Variants in HADHA observed in about 807,000 individuals in gnomAD.
The protein encoded by HADHA is hydroxyacyl-CoA dehydrogenase trifunctional multienzyme complex subunit alpha, also known as trifunctional enzyme subunit alpha, mitochondrial.
A neutral mutation model predicts 91.3 loss-of-function variants in HADHA; 59 were observed. That is an observed-to-expected ratio of 0.65 (90% CI 0.52 to 0.80). HADHA has a LOEUF of 0.80. Ranked by LOEUF, HADHA falls within the 30% of genes least tolerant of loss-of-function variation. The probability of loss-of-function intolerance (pLI) is 0.00; values close to 1 mark genes in which losing one functional copy is unlikely to be tolerated. For missense variants in HADHA, 800 were observed against 927.6 expected (o/e 0.86, Z 1.79); for synonymous variants, 320 against 338.9 (o/e 0.94, Z 0.61).
chr2:26,228,296 A>C (rs1284376011), intron 7 of HADHA, among the ~76,000 whole-genome samples: 1 of 152,018 alleles, frequency 6.6e-6, no homozygotes, highest in Non-Finnish European at 1.5e-5. Context: ...ACACCCAGCT[A>C]ATTTTTGTAT....
chr2:26,218,726 C>T (rs1028345290), intron 7 of HADHA, among the ~76,000 whole-genome samples: 6 of 151,808 alleles, frequency 4.0e-5, no homozygotes, highest in East Asian at 1.9e-4. Context: ...AATTGAAAAC[C>T]GGCCAGGTGT....
At chr2:26,237,612 A>G (rs1035929021) in intron 3 of HADHA, among the ~76,000 whole-genome samples, 4 of 152,176 alleles carry the variant, frequency 2.6e-5, no homozygotes, top group African/African-American at 9.7e-5. Context: ...TAGGCAACAG[A>G]ATGAGACCCT....
intron 7 of HADHA, among the ~76,000 whole-genome samples, chr2:26,220,923 CAT>C (rs1670358432): frequency 1.3e-5 from 2 of 152,306 alleles, no homozygotes; most frequent in Admixed American, 1.3e-4. Context: ...GGGGGTAAGA[CAT>C]GTGTCTGTCA....
At position 26,190,852 on chromosome 2, in the gene HADHA, A is replaced by C. The variant is rs930966635; in HGVS notation, c.*398T>G. On this transcript the variant is annotated 3_prime_UTR_variant, in exon 20 of 20. Transcript: ENST00000380649. ...GATTGCTTTTTGAAGGAGGCGTTTA[A>C]ACCAGAAGGGCAAAGATGCTGACAC... 1 of 302,500 alleles carries C rather than the reference A, an allele frequency of 3.3e-6. No individual in the cohort carries two copies. The highest frequency in any genetic ancestry group is 6.3e-6 in the Non-Finnish European group (1 of 158,068). 18.7% of individuals were successfully genotyped at this position (302,500 alleles called of 1,614,324 possible).
At chr2:26,231,741 A>C (rs1308492464) in intron 6 of HADHA, among the ~76,000 whole-genome samples, 1 of 151,940 alleles carries the variant, frequency 6.6e-6, no homozygotes, top group Non-Finnish European at 1.5e-5. Flanking sequence ...CTGAGGCGGG[A>C]GGATTACCTG....
At chr2:26,242,160 G>C (rs1034824565) in intron 1 of HADHA, among the ~76,000 whole-genome samples, 1 of 152,168 alleles carries the variant, frequency 6.6e-6, no homozygotes, top group Non-Finnish European at 1.5e-5. Context: ...AATATACTGG[G>C]ATTATAGGCA....
At chr2:26,222,745 C>A (rs1670403143) in intron 7 of HADHA, among the ~76,000 whole-genome samples, 1 of 152,142 alleles carries the variant, frequency 6.6e-6, no homozygotes, top group South Asian at 2.1e-4. Context: ...AAGGAATTCA[C>A]TTCTCAGTAA....
rs1240267162 is a variant in HADHA, at chr2:26,191,114, C to T, written c.*136G>A. 9.2e-6 allele frequency: 8 copies of T among 868,510 alleles called. No homozygotes were observed. Among genetic ancestry groups the T allele is most frequent in the East Asian group, 2.6e-5 (1 of 38,428 alleles). The allele number at this position is 868,510 out of a possible 1,614,324, so 53.8% of individuals were successfully genotyped here. ...GGAGAGATGGTCTTGGCTGAAGGCA[C>T]TTTAATCAGGGAGCAAACCCAGTGC... On this transcript the variant is annotated 3_prime_UTR_variant, in exon 20 of 20. Coordinates refer to ENST00000380649, the MANE Select transcript of HADHA (RefSeq NM_000182.5).
intron 11 of HADHA, among the ~76,000 whole-genome samples, chr2:26,206,143 AAATAAT>A (rs567862524): frequency 3.7e-4 from 56 of 152,100 alleles, no homozygotes; most frequent in African/African-American, 1.3e-3. Flanking sequence ...TCTATTATGA[AAATAAT>A]AATAATAATA....
At chr2:26,241,239 C>T (rs1670880116) in intron 1 of HADHA, among the ~76,000 whole-genome samples, 1 of 152,150 alleles carries the variant, frequency 6.6e-6, no homozygotes, top group Non-Finnish European at 1.5e-5. Flanking sequence ...GAAAACATTA[C>T]TTTGGTTGTA....
chr2:26,212,854 C>T (rs1670135382), intron 9 of HADHA, among the ~76,000 whole-genome samples: 1 of 152,168 alleles, frequency 6.6e-6, no homozygotes, highest in Non-Finnish European at 1.5e-5. Flanking sequence ...GAAGGAAAGA[C>T]AAAGCTTGAA....
intron 18 of HADHA, 112 bp downstream of exon 18, chr2:26,192,198 G>C: frequency 1.5e-6 from 1 of 682,398 alleles, no homozygotes; most frequent in East Asian, 2.7e-5. Flanking sequence ...ACCTGCACAT[G>C]TATCCCAGGA....
intron 13 of HADHA, 107 bp from the exon 14 acceptor site, chr2:26,197,884 A>G (rs1386676367): frequency 4.0e-6 from 3 of 746,414 alleles, no homozygotes; most frequent in African/African-American, 1.7e-5. Flanking sequence ...TCTGTCCCCC[A>G]CAACTGCTCA....
intron 1 of HADHA, among the ~76,000 whole-genome samples, chr2:26,242,496 C>T (rs1305444829): frequency 6.6e-6 from 1 of 152,206 alleles, no homozygotes; most frequent in African/African-American, 2.4e-5. Context: ...TTATTACACA[C>T]ATAAGATGTA....
intron 10 of HADHA, 23 bp from the exon 11 acceptor site, chr2:26,209,912 A>G (rs1670059243): frequency 1.7e-6 from 2 of 1,193,112 alleles, no homozygotes; most frequent in Non-Finnish European, 2.5e-6. Context: ...GGGGAATGAG[A>G]AAAGGTAGAA....
Position 26,191,219 on chromosome 2 carries a change from G to A in HADHA, c.*31C>T, listed in dbSNP as rs772715149. 5.6e-6 allele frequency: 9 copies of A among 1,608,276 alleles called. No homozygotes were observed. Among genetic ancestry groups the A allele is most frequent in the African/African-American group, 2.7e-5 (2 of 74,804 alleles). On this transcript the variant is annotated 3_prime_UTR_variant, in exon 20 of 20. Coordinates refer to ENST00000380649, the MANE Select transcript of HADHA (RefSeq NM_000182.5). Reference sequence around the variant, plus strand: ...CCAGCACTGCCGGCAGCTGGGGTTAGTGCACTGACTGAGCGAGGCATGAGG... The same window carrying A: ...CCAGCACTGCCGGCAGCTGGGGTTAATGCACTGACTGAGCGAGGCATGAGG...
chr2:26,217,994 A>G (rs1356464153), intron 7 of HADHA, among the ~76,000 whole-genome samples: 1 of 152,176 alleles, frequency 6.6e-6, no homozygotes, highest in Non-Finnish European at 1.5e-5. Context: ...CACAATGGAG[A>G]CATTTATAAA....
At chr2:26,243,242 T>G (rs980230107) in intron 1 of HADHA, 10 of 152,158 alleles carry the variant, frequency 6.6e-5, no homozygotes, top group African/African-American at 2.4e-4. Context: ...TGCCGATCCA[T>G]AAGAAATACC....
intron 6 of HADHA, among the ~76,000 whole-genome samples, chr2:26,230,825 G>C (rs969275006): frequency 6.6e-6 from 1 of 152,062 alleles, no homozygotes; most frequent in Non-Finnish European, 1.5e-5. Flanking sequence ...GGGAGGCTGA[G>C]GCACAAGAAT....
Sources: gnomAD v4.1 joint callset for allele counts (sites outside exome capture counted in the v4.1 genomes callset) on GRCh38, gnomAD v4.1.1 for gene constraint, MANE v1.5 for transcripts, NCBI Gene and HGNC (gene_info 2026-07-23, HGNC 2026-07-21) for gene names.